CPQ: variants seen among roughly 807,000 people sequenced by gnomAD.
The protein encoded by CPQ is Ser-Met dipeptidase.
CPQ carries 37 observed loss-of-function variants against 45.7 expected under a neutral mutation model. The ratio of observed to expected loss-of-function variants is 0.81; its 90% CI spans 0.62 to 1.07. CPQ has a LOEUF of 1.07. Among genes scored for constraint, CPQ ranks in the 50% least tolerant of loss-of-function variants. CPQ has a pLI of 0.00. For synonymous variants in CPQ, 186 were observed against 205.8 expected (o/e 0.90, Z 0.82); for missense variants, 537 against 572.9 (o/e 0.94, Z 0.64).
chr8:96,849,447 T>G (rs568291935), intron 3 of CPQ, among the ~76,000 whole-genome samples: 118 of 152,214 alleles, frequency 7.8e-4, no homozygotes, highest in Admixed American at 1.9e-3. Context: ...CTTTGTATTA[T>G]GACACTAGTA....
At chr8:96,723,882 A>G (rs1270353357) in intron 1 of CPQ, among the ~76,000 whole-genome samples, 1 of 152,088 alleles carries the variant, frequency 6.6e-6, no homozygotes, top group Non-Finnish European at 1.5e-5. Context: ...GAAGACTACC[A>G]ATTTACATCA....
At chr8:96,970,478 C>CAG (rs2130370591) in intron 5 of CPQ, among the ~76,000 whole-genome samples, 1 of 152,062 alleles carries the variant, frequency 6.6e-6, no homozygotes, top group African/African-American at 2.4e-5. Context: ...GAAACCAAAG[C>CAG]AGAGAAAAGC....
chr8:96,734,478 C>G (rs1248477229), intron 1 of CPQ, among the ~76,000 whole-genome samples: 1 of 151,990 alleles, frequency 6.6e-6, no homozygotes, highest in Non-Finnish European at 1.5e-5. Flanking sequence ...TTGGGAGGCC[C>G]AGGCGGACGG....
intron 5 of CPQ, among the ~76,000 whole-genome samples, chr8:97,020,696 G>A (rs767656545): frequency 2.0e-5 from 3 of 152,032 alleles, no homozygotes; most frequent in Non-Finnish European, 4.4e-5. Flanking sequence ...ATTCTGAACA[G>A]ACCAAAAACA....
chr8:96,677,340 T>C (rs1338451806), intron 1 of CPQ, among the ~76,000 whole-genome samples: 1 of 152,158 alleles, frequency 6.6e-6, no homozygotes, highest in African/African-American at 2.4e-5. Flanking sequence ...ACATTTATTG[T>C]TCTTTGAATT....
intron 2 of CPQ, among the ~76,000 whole-genome samples, chr8:96,826,947 A>G (rs183728460): frequency 9.6e-4 from 146 of 152,182 alleles, no homozygotes; most frequent in African/African-American, 3.4e-3. Context: ...TGACCCTGCA[A>G]AGGACATGAT....
intron 2 of CPQ, among the ~76,000 whole-genome samples, chr8:96,828,523 C>G (rs1239942978): frequency 6.6e-6 from 1 of 151,960 alleles, no homozygotes; most frequent in Admixed American, 6.6e-5. Flanking sequence ...TGATAACTAG[C>G]CCATTTTAGT....
intron 4 of CPQ, among the ~76,000 whole-genome samples, chr8:96,943,249 A>G (rs1348349942): frequency 1.3e-5 from 2 of 152,216 alleles, no homozygotes; most frequent in African/African-American, 4.8e-5. Flanking sequence ...TTTCAATATC[A>G]GCTAAGATCA....
In CPQ at chr8:97,062,068, C is replaced by T. The variant is rs1369878223; in HGVS notation, c.1054-3941C>T. Among the ~76,000 whole-genome samples the T allele has an allele frequency of 1.9e-4, 29 of 152,154 alleles. 1 individual carries two copies. The highest frequency in any genetic ancestry group is 1.9e-3 in the Admixed American group (29 of 15,264). ...CCTGTCAACATCCTGTGACATTGCA[C>T]AATGGCATTCACAAACTGTGAAGTC... On this transcript the variant is annotated intron_variant, in intron 6 of 7. Coordinates refer to ENST00000220763, the MANE Select transcript of CPQ (RefSeq NM_016134.4).
At chr8:96,996,869 A>T (rs971235223) in intron 5 of CPQ, among the ~76,000 whole-genome samples, 1 of 152,010 alleles carries the variant, frequency 6.6e-6, no homozygotes, top group Admixed American at 6.6e-5. Flanking sequence ...TTTATTGACT[A>T]GAGCAAAGCA....
intron 1 of CPQ, among the ~76,000 whole-genome samples, chr8:96,781,879 CAAGT>C (rs1810690733): frequency 6.6e-6 from 1 of 152,140 alleles, no homozygotes; most frequent in Admixed American, 6.5e-5. Flanking sequence ...TAACTGGTTC[CAAGT>C]AAGTCCAAAA....
chr8:97,052,286 A>C (rs1810377472), intron 6 of CPQ, among the ~76,000 whole-genome samples: 1 of 152,156 alleles, frequency 6.6e-6, no homozygotes, highest in African/African-American at 2.4e-5. Context: ...CTCTTTATCT[A>C]AACTATACCC....
chr8:97,098,166 A>G (rs1412178357), intron 7 of CPQ, among the ~76,000 whole-genome samples: 1 of 152,154 alleles, frequency 6.6e-6, no homozygotes, highest in Non-Finnish European at 1.5e-5. Flanking sequence ...TCCCAACTTT[A>G]CACTACTCTC....
chr8:96,927,838 CTTCT>C, intron 4 of CPQ, among the ~76,000 whole-genome samples: 2 of 152,280 alleles, frequency 1.3e-5, no homozygotes, highest in South Asian at 4.1e-4. Context: ...ATTTCAGATC[CTTCT>C]TTCTTTCTAA....
intron 4 of CPQ, among the ~76,000 whole-genome samples, chr8:96,909,202 A>T (rs2130903092): frequency 6.6e-6 from 1 of 152,038 alleles, no homozygotes; most frequent in South Asian, 2.1e-4. Flanking sequence ...TGGATATAAA[A>T]CTTTGTTATG....
At chr8:97,071,608 AG>A (rs1810744776) in intron 7 of CPQ, among the ~76,000 whole-genome samples, 2 of 152,166 alleles carry the variant, frequency 1.3e-5, no homozygotes, top group African/African-American at 4.8e-5. Context: ...TGATTCCTAC[AG>A]CAGCCTCCTA....
chr8:96,861,450 A>G (rs1302012584), intron 3 of CPQ, among the ~76,000 whole-genome samples: 1 of 152,090 alleles, frequency 6.6e-6, no homozygotes, highest in African/African-American at 2.4e-5. Context: ...TTAGGTCATT[A>G]AGCTTACAAG....
chr8:97,142,949 G>T, intron 7 of CPQ, 71 bp from the exon 8 acceptor site: 1 of 1,464,138 alleles, frequency 6.8e-7, no homozygotes. Context: ...CAAAAGTGAA[G>T]GGGGAGAGGT....
At chr8:96,900,605 AC>A (rs1458578367) in intron 4 of CPQ, among the ~76,000 whole-genome samples, 8 of 152,170 alleles carry the variant, frequency 5.3e-5, no homozygotes, top group Non-Finnish European at 1.2e-4. Flanking sequence ...AACAAATGGA[AC>A]TTTTATATTT....
Sources: allele counts gnomAD v4.1 joint callset (sites outside exome capture counted in the v4.1 genomes callset), GRCh38; gene constraint gnomAD v4.1.1; transcripts MANE v1.5; gene names NCBI Gene and HGNC (gene_info 2026-07-23, HGNC 2026-07-21).